MBNL1: variants seen among roughly 807,000 people sequenced by gnomAD.
The protein encoded by MBNL1 is muscleblind-like protein 1.
Under a neutral mutation model 42.2 loss-of-function variants are expected in MBNL1, and 8 were observed. That is an observed-to-expected ratio of 0.19 (90% CI 0.11 to 0.34). MBNL1 has a LOEUF of 0.34. Among genes scored for constraint, MBNL1 ranks in the 10% least tolerant of loss-of-function variants. The pLI is 1.00. For synonymous variants in MBNL1, 169 were observed against 173.9 expected, an observed-to-expected ratio of 0.97 and a Z score of 0.22; for missense variants, 309 against 495.3, an observed-to-expected ratio of 0.62 and a Z score of 3.57.
intron 2 of MBNL1, among the ~76,000 whole-genome samples, chr3:152,394,615 A>G (rs1258822617): frequency 1.3e-5 from 2 of 152,236 alleles, no homozygotes; most frequent in Non-Finnish European, 2.9e-5. Flanking sequence ...GCACACTCTA[A>G]GCTAGGTGAA....
intron 2 of MBNL1, among the ~76,000 whole-genome samples, chr3:152,342,412 A>G (rs191543003): frequency 3.9e-4 from 59 of 152,286 alleles, no homozygotes; most frequent in African/African-American, 1.3e-3. Context: ...GAGTATGCCA[A>G]GCACTTAGCA....
chr3:152,410,560 T>G (rs1379757733), intron 2 of MBNL1, among the ~76,000 whole-genome samples: 1 of 152,268 alleles, frequency 6.6e-6, no homozygotes, highest in Non-Finnish European at 1.5e-5. Context: ...GTTGGATTAA[T>G]TCTATTTTAA....
At chr3:152,309,921 A>G (rs1046517549) in intron 2 of MBNL1, among the ~76,000 whole-genome samples, 9 of 152,344 alleles carry the variant, frequency 5.9e-5, no homozygotes, top group Middle Eastern at 3.4e-3. Context: ...GAAGATTAAA[A>G]TAATCATAGG....
chr3:152,375,573 T>G (rs2096861719), intron 2 of MBNL1, among the ~76,000 whole-genome samples: 1 of 152,270 alleles, frequency 6.6e-6, no homozygotes, highest in Admixed American at 6.5e-5. Context: ...ACATAGTGAT[T>G]GGTATTAGGT....
intron 6 of MBNL1, among the ~76,000 whole-genome samples, chr3:152,450,868 T>G (rs1721493293): frequency 6.6e-6 from 1 of 152,202 alleles, no homozygotes; most frequent in Non-Finnish European, 1.5e-5. Flanking sequence ...GGCAATTCAG[T>G]TTTTTAAAAA....
At chr3:152,356,949 A>AAT (rs2095568305) in intron 2 of MBNL1, among the ~76,000 whole-genome samples, 1 of 151,682 alleles carries the variant, frequency 6.6e-6, no homozygotes, top group South Asian at 2.1e-4. Context: ...CCATACTTAT[A>AAT]ATATCAAATG....
upstream of MBNL1, chr3:152,267,930 T>C (rs1437293975): frequency 2.6e-5 from 4 of 152,356 alleles, no homozygotes; most frequent in South Asian, 6.2e-4. Context: ...GAATCATCCT[T>C]GAACAAGTTA....
intron 2 of MBNL1, among the ~76,000 whole-genome samples, chr3:152,381,110 C>T (rs1427388968): frequency 6.6e-6 from 1 of 151,992 alleles, no homozygotes; most frequent in East Asian, 1.9e-4. Flanking sequence ...TAGATGTTTT[C>T]ATTATAACAA....
chr3:152,345,219 G>A (rs1017335686), intron 2 of MBNL1, among the ~76,000 whole-genome samples: 52 of 151,998 alleles, frequency 3.4e-4, no homozygotes, highest in African/African-American at 1.2e-3. Flanking sequence ...TAAACTCATC[G>A]TAAAACCCTT....
intron 2 of MBNL1, among the ~76,000 whole-genome samples, chr3:152,248,720 A>G (rs1448844751): frequency 6.6e-6 from 1 of 151,806 alleles, no homozygotes; most frequent in Non-Finnish European, 1.5e-5. Context: ...GCACCCATTA[A>G]CTCATCATTT....
At chr3:152,323,337 G>A (rs2077484786) in intron 2 of MBNL1, among the ~76,000 whole-genome samples, 1 of 151,646 alleles carries the variant, frequency 6.6e-6, no homozygotes, top group Admixed American at 6.6e-5. Context: ...ATAACCTAAA[G>A]GAATTTTTTT....
chr3:152,433,333 C>T (rs922647360), intron 4 of MBNL1, among the ~76,000 whole-genome samples: 5 of 152,148 alleles, frequency 3.3e-5, no homozygotes, highest in Non-Finnish European at 1.5e-5. Context: ...AAATTGTTCT[C>T]ATAAAGATTA....
chr3:152,356,102 G>A (rs1205507713), intron 2 of MBNL1, among the ~76,000 whole-genome samples: 1 of 151,938 alleles, frequency 6.6e-6, no homozygotes, highest in Non-Finnish European at 1.5e-5. Flanking sequence ...AAATTTTCAT[G>A]GTTTTATGAA....
At chr3:152,400,902 G>A (rs931702100) in intron 2 of MBNL1, among the ~76,000 whole-genome samples, 1 of 152,164 alleles carries the variant, frequency 6.6e-6, no homozygotes, top group Non-Finnish European at 1.5e-5. Context: ...GTGGTTGATT[G>A]GTAAATGAGA....
At chr3:152,387,440 A>C (rs2097496668) in intron 2 of MBNL1, among the ~76,000 whole-genome samples, 1 of 152,236 alleles carries the variant, frequency 6.6e-6, no homozygotes, top group South Asian at 2.1e-4. Flanking sequence ...GTCTTCTAAA[A>C]ATTAAAATAT....
intron 2 of MBNL1, among the ~76,000 whole-genome samples, chr3:152,354,310 C>T (rs1438998147): frequency 2.0e-5 from 3 of 152,082 alleles, no homozygotes; most frequent in African/African-American, 7.2e-5. Context: ...ATAATAATAA[C>T]TGAGCATGGT....
At chr3:152,307,373 G>C (rs2063730547) in intron 2 of MBNL1, among the ~76,000 whole-genome samples, 1 of 152,154 alleles carries the variant, frequency 6.6e-6, no homozygotes, top group South Asian at 2.1e-4. Flanking sequence ...GGTCCCAAGT[G>C]ATTTTATATG....
At chr3:152,348,406 G>A (rs924716253) in intron 2 of MBNL1, among the ~76,000 whole-genome samples, 5 of 151,952 alleles carry the variant, frequency 3.3e-5, no homozygotes, top group African/African-American at 1.2e-4. Flanking sequence ...TATTCTTCCT[G>A]TTTATTATTT....
At chr3:152,381,338 A>G (rs2097172035) in intron 2 of MBNL1, among the ~76,000 whole-genome samples, 1 of 152,008 alleles carries the variant, frequency 6.6e-6, no homozygotes, top group African/African-American at 2.4e-5. Flanking sequence ...CCCATGGCAT[A>G]TTGAGCTAGT....
Sources: gnomAD v4.1 joint callset for allele counts (sites outside exome capture counted in the v4.1 genomes callset) on GRCh38, gnomAD v4.1.1 for gene constraint, MANE v1.5 for transcripts, NCBI Gene and HGNC (gene_info 2026-07-23, HGNC 2026-07-21) for gene names.